The following MALRD1 variants were observed in gnomAD, a reference collection of about 807,000 sequenced individuals.
MALRD1 encodes the protein MAM and LDL-receptor class A domain-containing protein 1.
A neutral mutation model predicts 242.1 loss-of-function variants in MALRD1; 247 were observed. The ratio of observed to expected loss-of-function variants is 1.02; its 90% CI spans 0.92 to 1.13. The LOEUF is 1.13. Ranked by LOEUF, MALRD1 falls within the 50% of genes most tolerant of loss-of-function variation. MALRD1 has a pLI of 0.00. For synonymous variants in MALRD1, 995 were observed against 866.6 expected, an observed-to-expected ratio of 1.15 and a Z score of -2.60; for missense variants, 2,989 against 2,533.1, an observed-to-expected ratio of 1.18 and a Z score of -3.86.
chr10:19,079,799 A>G (rs80308500), intron 2 of MALRD1, among the ~76,000 whole-genome samples: 188 of 151,808 alleles, frequency 1.2e-3, no homozygotes, highest in Middle Eastern at 0.01. Context: ...GAAAGAAAGC[A>G]TATTAGTCTA....
intron 29 of MALRD1, among the ~76,000 whole-genome samples, chr10:19,487,201 A>G (rs1837271894): frequency 6.6e-6 from 1 of 152,058 alleles, no homozygotes; most frequent in Non-Finnish European, 1.5e-5. Flanking sequence ...CATTTCATGT[A>G]TTTGACAACC....
intron 38 of MALRD1, among the ~76,000 whole-genome samples, chr10:19,700,464 A>T (rs1833573672): frequency 6.6e-6 from 1 of 152,206 alleles, no homozygotes; most frequent in South Asian, 2.1e-4. Context: ...TGCCCAAGAT[A>T]GACGAACTGG....
At chr10:19,650,085 T>C (rs1029178274) in intron 36 of MALRD1, among the ~76,000 whole-genome samples, 2 of 151,998 alleles carry the variant, frequency 1.3e-5, no homozygotes, top group Non-Finnish European at 2.9e-5. Context: ...GAAATGGAAA[T>C]TATAAAAAAA....
chr10:19,374,256 T>C (rs1461606210), intron 26 of MALRD1, among the ~76,000 whole-genome samples: 1 of 152,202 alleles, frequency 6.6e-6, no homozygotes, highest in Non-Finnish European at 1.5e-5. Flanking sequence ...ACATAGAACA[T>C]TTTAATATTC....
intron 26 of MALRD1, among the ~76,000 whole-genome samples, chr10:19,353,291 A>G (rs1844479492): frequency 6.6e-6 from 1 of 152,078 alleles, no homozygotes; most frequent in Non-Finnish European, 1.5e-5. Flanking sequence ...ATAGGCATGA[A>G]CCACCATGCC....
intron 33 of MALRD1, among the ~76,000 whole-genome samples, chr10:19,593,402 G>C (rs1564468539): frequency 6.6e-6 from 1 of 152,116 alleles, no homozygotes; most frequent in Non-Finnish European, 1.5e-5. Flanking sequence ...TTAGTGAGGA[G>C]GGAGAGGGAC....
chr10:19,354,225 C>A (rs1402538401), intron 26 of MALRD1, among the ~76,000 whole-genome samples: 1 of 152,004 alleles, frequency 6.6e-6, no homozygotes, highest in Non-Finnish European at 1.5e-5. Flanking sequence ...TGATTATACA[C>A]TAAATACAAA....
chr10:19,696,762 A>C (rs892475595), intron 38 of MALRD1, among the ~76,000 whole-genome samples: 1 of 151,788 alleles, frequency 6.6e-6, no homozygotes, highest in Non-Finnish European at 1.5e-5. Context: ...AAAAAAAAAA[A>C]AAAATTAGCC....
At chr10:19,240,681 A>G (rs1000974256) in intron 18 of MALRD1, among the ~76,000 whole-genome samples, 1 of 152,092 alleles carries the variant, frequency 6.6e-6, no homozygotes, top group Non-Finnish European at 1.5e-5. Context: ...ATTCACCATA[A>G]ATAAGATGTT....
intron 12 of MALRD1, among the ~76,000 whole-genome samples, chr10:19,161,834 C>T (rs866550393): frequency 1.6e-4 from 25 of 152,176 alleles, no homozygotes; most frequent in Middle Eastern, 6.8e-3. Flanking sequence ...TCGAGATCAT[C>T]CTGGCCAACA....
At chr10:19,485,751 A>G (rs537197468) in intron 29 of MALRD1, among the ~76,000 whole-genome samples, 3 of 152,212 alleles carry the variant, frequency 2.0e-5, no homozygotes, top group Non-Finnish European at 4.4e-5. Flanking sequence ...AGACAAATCC[A>G]TCGATACATT....
At chr10:19,519,085 A>T (rs1833765920) in intron 31 of MALRD1, among the ~76,000 whole-genome samples, 1 of 152,016 alleles carries the variant, frequency 6.6e-6, no homozygotes, top group African/African-American at 2.4e-5. Flanking sequence ...TATCCTCTTC[A>T]TGTTTACCAT....
At chr10:19,078,421 C>T (rs930790932) in intron 2 of MALRD1, among the ~76,000 whole-genome samples, 6 of 151,744 alleles carry the variant, frequency 4.0e-5, no homozygotes, top group South Asian at 2.1e-4. Context: ...TTGACCATGG[C>T]GAAAAATTTT....
At chr10:19,513,668 G>A (rs1257337664) in intron 31 of MALRD1, among the ~76,000 whole-genome samples, 6 of 151,994 alleles carry the variant, frequency 3.9e-5, no homozygotes, top group African/African-American at 1.4e-4. Flanking sequence ...GAACCCGGGA[G>A]GCGGCGGTTG....
At chr10:19,474,245 T>A (rs1178386221) in intron 29 of MALRD1, among the ~76,000 whole-genome samples, 1 of 152,180 alleles carries the variant, frequency 6.6e-6, no homozygotes, top group East Asian at 1.9e-4. Context: ...AAGAGATGAA[T>A]GTGAAGAGTA....
At chr10:19,695,637 A>G (rs1833346502) in intron 38 of MALRD1, among the ~76,000 whole-genome samples, 1 of 151,024 alleles carries the variant, frequency 6.6e-6, no homozygotes, top group Non-Finnish European at 1.5e-5. Context: ...CTTCTGCCTC[A>G]GCCTCCTGAG....
intron 31 of MALRD1, among the ~76,000 whole-genome samples, chr10:19,516,974 A>G (rs938679926): frequency 2.0e-5 from 3 of 152,220 alleles, no homozygotes; most frequent in Non-Finnish European, 4.4e-5. Flanking sequence ...TTAAGACAAG[A>G]TGGCCATGAC....
chr10:19,613,189 G>A (rs961624416), intron 35 of MALRD1, among the ~76,000 whole-genome samples: 10 of 151,814 alleles, frequency 6.6e-5, no homozygotes, highest in Non-Finnish European at 1.2e-4. Context: ...GAAAAACCCT[G>A]AACAGTGGTG....
chr10:19,391,603 C>A (rs1392223014), intron 28 of MALRD1, among the ~76,000 whole-genome samples: 1 of 152,142 alleles, frequency 6.6e-6, no homozygotes, highest in Non-Finnish European at 1.5e-5. Context: ...GTTAGGCCCC[C>A]TTCTGTGTTT....
Sources: allele counts gnomAD v4.1 joint callset (sites outside exome capture counted in the v4.1 genomes callset), GRCh38; gene constraint gnomAD v4.1.1; transcripts MANE v1.5; gene names NCBI Gene and HGNC (gene_info 2026-07-23, HGNC 2026-07-21).